Variants in PTPDC1 observed in about 807,000 individuals in gnomAD.
PTPDC1 encodes protein tyrosine phosphatase domain containing 1.
A neutral mutation model predicts 75.3 loss-of-function variants in PTPDC1; 53 were observed. That is an observed-to-expected ratio of 0.70 (90% CI 0.56 to 0.88). PTPDC1 has a LOEUF of 0.88. PTPDC1 is among the 40% of genes least tolerant of loss of function. PTPDC1 has a pLI of 0.00. For synonymous variants in PTPDC1, 349 were observed against 366.2 expected (o/e 0.95, Z 0.54); for missense variants, 925 against 998.6 (o/e 0.93, Z 0.99).
chr9:94,076,009 GTTTT>G (rs1341702349), intron 2 of PTPDC1, among the ~76,000 whole-genome samples: 1 of 148,694 alleles, frequency 6.7e-6, no homozygotes, highest in Non-Finnish European at 1.5e-5. Flanking sequence ...TTGTTTGTTT[GTTTT>G]TTTGAGACGG....
chr9:94,036,520 GATTA>G (rs772800583), intron 1 of PTPDC1, among the ~76,000 whole-genome samples: 3 of 152,018 alleles, frequency 2.0e-5, no homozygotes, highest in Non-Finnish European at 2.9e-5. Flanking sequence ...GGTTTATTTA[GATTA>G]ATTTTTTGTC....
chr9:94,084,786 C>T lies in PTPDC1; in HGVS notation c.244+12C>T, dbSNP rs767543815. On this transcript the variant is annotated intron_variant, in intron 1 of 8. Transcript: ENST00000620992. ...AAGAAAAAGTAAAGGTCTCTTTCTTCTTATAGATTGCCATACCTATGTATA... is the reference window on the plus strand; with the variant it reads ...AAGAAAAAGTAAAGGTCTCTTTCTTTTTATAGATTGCCATACCTATGTATA... The T allele has an allele frequency of 5.3e-6, 8 of 1,517,692 alleles. No individual in the cohort carries two copies. Among genetic ancestry groups the T allele is most frequent in the Non-Finnish European group, 7.1e-6 (8 of 1,123,468 alleles). 94.0% of individuals were successfully genotyped at this position (1,517,692 alleles called of 1,614,324 possible). A position where few individuals can be genotyped will look rare whatever the true frequency, so the allele number is the denominator to read the frequency against.
chr9:94,099,126 A>C (rs1827741013), intron 6 of PTPDC1, among the ~76,000 whole-genome samples: 1 of 152,238 alleles, frequency 6.6e-6, no homozygotes, highest in South Asian at 2.1e-4. Flanking sequence ...GTGAAACCAC[A>C]GATTACTACG....
At chr9:94,033,118 C>T (rs2118369360) in intron 1 of PTPDC1, among the ~76,000 whole-genome samples, 1 of 152,236 alleles carries the variant, frequency 6.6e-6, no homozygotes, top group Non-Finnish European at 1.5e-5. Context: ...GCCTCAGCCT[C>T]CCAAAGTGCT....
At chr9:94,041,990 T>C (rs1300735572) in intron 1 of PTPDC1, among the ~76,000 whole-genome samples, 1 of 152,212 alleles carries the variant, frequency 6.6e-6, no homozygotes, top group African/African-American at 2.4e-5. Context: ...CTATGTTTAC[T>C]CATCAGTGTC....
chr9:94,104,368 A>G lies in PTPDC1; in HGVS notation c.2293A>G (p.Ile765Val). ...DVEEAFLAHA[I>V]KAFTKVNFDS... Reference sequence around the variant, plus strand: ...GGAGGAAGCTTTCCTTGCCCATGCCATTAAGGCATTCACTAAGGTGGGTCA... The same window carrying G: ...GGAGGAAGCTTTCCTTGCCCATGCCGTTAAGGCATTCACTAAGGTGGGTCA... Residue 765 changes from isoleucine to valine, a missense_variant, in exon 8 of 9, where the codon ATT becomes GTT. Physicochemically the swap from Ile to Val is conservative, Grantham distance 29 (BLOSUM62 3). Transcript: ENST00000620992. 1.2e-6 allele frequency: 2 copies of G among 1,612,374 alleles called. No homozygotes were observed. Among genetic ancestry groups the G allele is most frequent in the Non-Finnish European group, 1.7e-6 (2 of 1,178,512 alleles).
intron 1 of PTPDC1, among the ~76,000 whole-genome samples, chr9:94,048,285 A>C (rs2118440463): frequency 6.6e-6 from 1 of 152,052 alleles, no homozygotes; most frequent in East Asian, 1.9e-4. Context: ...CAGTTCTTTT[A>C]ATTGTGATGT....
At chr9:94,091,007 T>A (rs1198145750) in intron 4 of PTPDC1, among the ~76,000 whole-genome samples, 7 of 152,184 alleles carry the variant, frequency 4.6e-5, no homozygotes, top group Admixed American at 6.5e-5. Context: ...TTTCTAGATA[T>A]ACAATCATGT....
At chr9:94,062,598 A>G (rs1826176749) in intron 1 of PTPDC1, among the ~76,000 whole-genome samples, 1 of 152,212 alleles carries the variant, frequency 6.6e-6, no homozygotes, top group Non-Finnish European at 1.5e-5. Context: ...TCATGGTGGA[A>G]GGCAAAGTGG....
chr9:94,080,565 A>G (rs1007362265), upstream of PTPDC1, among the ~76,000 whole-genome samples: 4 of 152,212 alleles, frequency 2.6e-5, no homozygotes, highest in Admixed American at 1.3e-4. Flanking sequence ...ATTGGTTTCT[A>G]GATACCGTTC....
At chr9:94,067,864 A>C (rs1034739705) in intron 2 of PTPDC1, among the ~76,000 whole-genome samples, 2 of 152,204 alleles carry the variant, frequency 1.3e-5, no homozygotes, top group African/African-American at 4.8e-5. Flanking sequence ...AGCCTCTGAA[A>C]GTGTTAGGAT....
rs139774965 is a variant in PTPDC1, at chr9:94,049,538, G to A, written c.-6-15196G>A. Among the ~76,000 whole-genome samples the A allele has an allele frequency of 6.0e-3, 912 of 152,164 alleles. 7 individuals carry two copies. The highest frequency in any genetic ancestry group is 0.024 in the Middle Eastern group (7 of 294). On this transcript the variant is annotated intron_variant, in intron 1 of 9. Coordinates refer to the PTPDC1 transcript ENST00000375360. ...CTTTTCTTTAAAAATGTTGAATATC[G>A]GCCCCCACTCTCTTCTGGCTTGTAG...
intron 1 of PTPDC1, among the ~76,000 whole-genome samples, chr9:94,036,720 G>A (rs1825280920): frequency 6.6e-6 from 1 of 152,172 alleles, no homozygotes; most frequent in Admixed American, 6.5e-5. Flanking sequence ...GACTTCCCTG[G>A]CTGGATGCTG....
At chr9:94,035,057 A>C (rs1212900684) in intron 1 of PTPDC1, among the ~76,000 whole-genome samples, 1 of 151,960 alleles carries the variant, frequency 6.6e-6, no homozygotes, top group East Asian at 1.9e-4. Context: ...TTATAATTCA[A>C]CTCTTAGGTG....
chr9:94,056,788 G>C (rs996960389), intron 1 of PTPDC1, among the ~76,000 whole-genome samples: 2 of 152,198 alleles, frequency 1.3e-5, no homozygotes, highest in Non-Finnish European at 2.9e-5. Flanking sequence ...AACAGTATGA[G>C]TAATAGTCCA....
At chr9:94,081,268 G>A (rs1397203355), upstream of PTPDC1, among the ~76,000 whole-genome samples, 1 of 152,126 alleles carries the variant, frequency 6.6e-6, no homozygotes, top group Admixed American at 6.5e-5. Flanking sequence ...GGGATTACAG[G>A]CATGAGCCAC....
intron 1 of PTPDC1, among the ~76,000 whole-genome samples, chr9:94,058,593 G>A (rs1268341221): frequency 6.6e-6 from 1 of 151,454 alleles, no homozygotes; most frequent in Non-Finnish European, 1.5e-5. Context: ...TGTAATCCCA[G>A]CTACTCGGAG....
chr9:94,080,331 G>C (rs1186914049), upstream of PTPDC1, among the ~76,000 whole-genome samples: 2 of 152,156 alleles, frequency 1.3e-5, no homozygotes, highest in Non-Finnish European at 1.5e-5. Flanking sequence ...TGTGGAAAGG[G>C]TGGAAATTAG....
chr9:94,071,120 A>C lies in PTPDC1; in HGVS notation c.82+6299A>C, dbSNP rs115988761. Among the ~76,000 whole-genome samples, 243 of 152,354 alleles carry C rather than the reference A, an allele frequency of 1.6e-3. 1 individual carries two copies. Among genetic ancestry groups the C allele is most frequent in the African/African-American group, 5.6e-3 (232 of 41,576 alleles). ...TTTTCCAGAGTAGTTGTACCATTTTACATTCCTACCAGCAATGTACGAGTG... is the reference window on the plus strand; with the variant it reads ...TTTTCCAGAGTAGTTGTACCATTTTCCATTCCTACCAGCAATGTACGAGTG... On this transcript the variant is annotated intron_variant, in intron 2 of 9. Transcript: ENST00000375360.
Sources: gnomAD v4.1 joint callset for allele counts (sites outside exome capture counted in the v4.1 genomes callset) on GRCh38, gnomAD v4.1.1 for gene constraint, MANE v1.5 for transcripts, NCBI Gene and HGNC (gene_info 2026-07-23, HGNC 2026-07-21) for gene names.